DZANK1: variants seen among roughly 807,000 people sequenced by gnomAD.
DZANK1 encodes double zinc ribbon and ankyrin repeat domains 1.
Under a neutral mutation model 94.5 loss-of-function variants are expected in DZANK1, and 91 were observed. The ratio of observed to expected loss-of-function variants is 0.96; its 90% CI spans 0.81 to 1.15. The LOEUF (loss-of-function observed/expected upper bound fraction) is 1.15. Ranked by LOEUF, DZANK1 falls within the 50% of genes most tolerant of loss-of-function variation. The pLI is 0.00. For synonymous variants in DZANK1, 312 were observed against 325.3 expected (o/e 0.96, Z 0.44); for missense variants, 903 against 916.4 (o/e 0.99, Z 0.19).
At chr20:18,453,500 G>C (rs925430941) in intron 5 of DZANK1, among the ~76,000 whole-genome samples, 2 of 152,076 alleles carry the variant, frequency 1.3e-5, no homozygotes, top group Admixed American at 1.3e-4. Flanking sequence ...TGCCCCCATG[G>C]CTCCCGGCAG....
chr20:18,389,235 T>TG, intron 19 of DZANK1, among the ~76,000 whole-genome samples: 1 of 152,336 alleles, frequency 6.6e-6, no homozygotes, highest in African/African-American at 2.4e-5. Context: ...GGAGACCATG[T>TG]GGTGACCTCA....
At chr20:18,384,964 A>AG in intron 20 of DZANK1, 52 bp downstream of exon 20, 2 of 1,494,274 alleles carry the variant, frequency 1.3e-6, no homozygotes, top group Non-Finnish European at 1.8e-6. Context: ...ACAGGCCATT[A>AG]GGGAGATCCC....
chr20:18,449,141 T>A, intron 6 of DZANK1, 72 bp from the exon 7 acceptor site: 1 of 1,253,936 alleles, frequency 8.0e-7, no homozygotes, highest in Non-Finnish European at 1.2e-6. Flanking sequence ...TATGGTATAG[T>A]AAAATTCCAT....
chr20:18,462,604 TAACAGA>T (rs2059507395), intron 2 of DZANK1, among the ~76,000 whole-genome samples: 1 of 152,090 alleles, frequency 6.6e-6, no homozygotes, highest in South Asian at 2.1e-4. Flanking sequence ...AGTCAAAAAC[TAACAGA>T]TGTTGCAGAG....
At chr20:18,386,076 C>A (rs1004782110) in intron 19 of DZANK1, among the ~76,000 whole-genome samples, 1 of 152,218 alleles carries the variant, frequency 6.6e-6, no homozygotes, top group Non-Finnish European at 1.5e-5. Flanking sequence ...TCTGCCCCTG[C>A]TCCTTCCTTT....
intron 2 of DZANK1, among the ~76,000 whole-genome samples, chr20:18,461,010 G>T (rs980706364): frequency 6.6e-6 from 1 of 152,140 alleles, no homozygotes; most frequent in African/African-American, 2.4e-5. Context: ...CTGCTAGGTT[G>T]GATACATAGC....
intron 19 of DZANK1, among the ~76,000 whole-genome samples, chr20:18,385,572 T>C (rs2048434509): frequency 1.3e-5 from 2 of 152,014 alleles, no homozygotes; most frequent in Admixed American, 6.6e-5. Flanking sequence ...CATGCCACCA[T>C]GCCTGGCTAA....
chr20:18,389,126 G>A (rs1226624960), intron 19 of DZANK1, among the ~76,000 whole-genome samples: 4 of 152,228 alleles, frequency 2.6e-5, no homozygotes, highest in African/African-American at 9.6e-5. Context: ...ACAGCTAGAA[G>A]AGAAGGTTAT....
rs768398583 is a variant in DZANK1 at position 18,412,639 on chromosome 20, C to G, written c.1432+7G>C. ...CCGACCAGAAGAAAGGGCATCCTCC[C>G]CCTTACCTCTTCCTGGGCTGATGGC... On this transcript the variant is annotated splice_region_variant and intron_variant, in intron 13 of 20. Transcript: ENST00000262547. 4 of 1,612,102 alleles carry G rather than the reference C, an allele frequency of 2.5e-6. No individual in the cohort carries two copies. The highest frequency in any genetic ancestry group is 2.2e-5 in the East Asian group (1 of 44,888).
chr20:18,415,909 G>C (rs923593945), intron 10 of DZANK1, among the ~76,000 whole-genome samples: 2 of 152,146 alleles, frequency 1.3e-5, no homozygotes, highest in African/African-American at 4.8e-5. Context: ...TTTTATATTG[G>C]GGACAGAGGC....
At chr20:18,458,302 T>C (rs1364331516) in intron 3 of DZANK1, among the ~76,000 whole-genome samples, 2 of 152,182 alleles carry the variant, frequency 1.3e-5, no homozygotes, top group Non-Finnish European at 2.9e-5. Context: ...TCTGGTTTTG[T>C]TGTTTTTTTT....
At chr20:18,416,209 A>C (rs1176454038) in intron 10 of DZANK1, among the ~76,000 whole-genome samples, 1 of 151,962 alleles carries the variant, frequency 6.6e-6, no homozygotes, top group Non-Finnish European at 1.5e-5. Flanking sequence ...GAGCCATCTG[A>C]CTCTAAAGCC....
At chr20:18,447,516 T>C (rs1034987056) in intron 7 of DZANK1, among the ~76,000 whole-genome samples, 20 of 151,364 alleles carry the variant, frequency 1.3e-4, no homozygotes, top group African/African-American at 4.1e-4. Flanking sequence ...TTAGTAGAGA[T>C]GGGGTTTCAC....
At chr20:18,430,522 C>T (rs527684749) in intron 9 of DZANK1, among the ~76,000 whole-genome samples, 7 of 152,306 alleles carry the variant, frequency 4.6e-5, no homozygotes, top group South Asian at 4.1e-4. Context: ...CTTTAGAAAA[C>T]GGCCAATGGA....
chr20:18,412,871 G>A lies in DZANK1; in HGVS notation c.1243-36C>T, dbSNP rs769470044. 6.3e-7 allele frequency: 1 copy of A among 1,595,290 alleles called. No individual in the cohort carries two copies. The highest frequency in any genetic ancestry group is 8.6e-7 in the Non-Finnish European group (1 of 1,167,064). Reference sequence around the variant, plus strand: ...CATCGGGGCCATGCGTGAGGCAGAAGACATTTTTAAAATTAGAATATAATT... The same window carrying A: ...CATCGGGGCCATGCGTGAGGCAGAAAACATTTTTAAAATTAGAATATAATT... On this transcript the variant is annotated intron_variant, in intron 12 of 20. Transcript: ENST00000262547.
chr20:18,457,543 G>A (rs1174302882), intron 3 of DZANK1, among the ~76,000 whole-genome samples: 1 of 152,150 alleles, frequency 6.6e-6, no homozygotes, highest in Non-Finnish European at 1.5e-5. Context: ...TAGGGTATAA[G>A]CAGTCTAGAG....
At position 18,394,369 on chromosome 20, in the gene DZANK1, T is replaced by C. The variant is rs757123410; in HGVS notation, c.1612-19A>G. On this transcript the variant is annotated intron_variant, in intron 15 of 20. Coordinates refer to ENST00000262547, the Ensembl canonical transcript of DZANK1. The stretch of plus-strand genomic sequence containing the variant: ...AAAGGTTCTGGCCAATGAAAACATT[T>C]AAACACCATGAATGATGAGGCTGCT... 1 of 1,608,982 alleles carries C rather than the reference T, an allele frequency of 6.2e-7. No individual in the cohort carries two copies. Among genetic ancestry groups the C allele is most frequent in the South Asian group, 1.1e-5 (1 of 90,180 alleles).
At chr20:18,433,826 T>G in intron 8 of DZANK1, 61 bp from the exon 9 acceptor site, 1 of 1,436,472 alleles carries the variant, frequency 7.0e-7, no homozygotes, top group Non-Finnish European at 9.8e-7. Flanking sequence ...GAATAGATCT[T>G]AGAATGTAAG....
chr20:18,414,379 A>C, exon 12 of DZANK1: 1 of 1,613,992 alleles, frequency 6.2e-7, no homozygotes, highest in Non-Finnish European at 8.5e-7. Flanking sequence ...CTCAGCAGCT[A>C]GAGCCAGGCT....
Sources: gnomAD v4.1 joint callset for allele counts (sites outside exome capture counted in the v4.1 genomes callset) on GRCh38, gnomAD v4.1.1 for gene constraint, MANE v1.5 for transcripts, NCBI Gene and HGNC (gene_info 2026-07-23, HGNC 2026-07-21) for gene names.